The following AFG2A variants were observed in gnomAD, a reference collection of about 807,000 sequenced individuals.
AFG2A encodes ATPase family gene 2 protein homolog A.
the AFG2A span, among the ~76,000 whole-genome samples, chr4:123,225,414 C>G: frequency 2.6e-5 from 4 of 152,306 alleles, no homozygotes; most frequent in South Asian, 8.3e-4. Context: ...GATCCAGTTT[C>G]AGCTTTCTAC....
At chr4:123,270,640 AAAAT>A in the AFG2A span, among the ~76,000 whole-genome samples, 3 of 152,232 alleles carry the variant, frequency 2.0e-5, no homozygotes, top group East Asian at 3.8e-4. Flanking sequence ...AGCAGGAAAA[AAAAT>A]AAAGATTTTA....
At chr4:123,221,841 C>A in the AFG2A span, among the ~76,000 whole-genome samples, 1 of 152,064 alleles carries the variant, frequency 6.6e-6, no homozygotes, top group East Asian at 1.9e-4. Flanking sequence ...GCAGGAGAAT[C>A]ATTTGAACCC....
At chr4:123,167,911 A>G in the AFG2A span, among the ~76,000 whole-genome samples, 1 of 152,198 alleles carries the variant, frequency 6.6e-6, no homozygotes, top group African/African-American at 2.4e-5. Context: ...AAAAACAGAA[A>G]TTTTAAGCAT....
the AFG2A span, among the ~76,000 whole-genome samples, chr4:123,143,353 A>C: frequency 6.6e-6 from 1 of 152,094 alleles, no homozygotes; most frequent in Non-Finnish European, 1.5e-5. Context: ...CTATTACATT[A>C]ACTATAAATA....
the AFG2A span, among the ~76,000 whole-genome samples, chr4:123,244,991 G>C: frequency 6.6e-6 from 1 of 152,198 alleles, no homozygotes; most frequent in African/African-American, 2.4e-5. Context: ...GTAATATAGA[G>C]AAGAAAATGA....
chr4:123,106,039 A>C, the AFG2A span, among the ~76,000 whole-genome samples: 5 of 152,210 alleles, frequency 3.3e-5, no homozygotes, highest in Non-Finnish European at 5.9e-5. Context: ...AGGAAGAGTC[A>C]GTCGATGTGG....
chr4:122,970,323 C>G, the AFG2A span, among the ~76,000 whole-genome samples: 1 of 152,012 alleles, frequency 6.6e-6, no homozygotes, highest in East Asian at 1.9e-4. Context: ...AGGTTTGTAG[C>G]CTTGCTGTAT....
the AFG2A span, among the ~76,000 whole-genome samples, chr4:123,283,952 T>C: frequency 6.6e-6 from 1 of 152,160 alleles, no homozygotes. Context: ...GACACACATA[T>C]TCTTCCTATC....
chr4:123,181,898 ATAATT>A, the AFG2A span, among the ~76,000 whole-genome samples: 1 of 152,184 alleles, frequency 6.6e-6, no homozygotes, highest in African/African-American at 2.4e-5. Flanking sequence ...ACTACAGAAA[ATAATT>A]TAGTCATGTT....
At chr4:123,107,364 AGCTCTCAG>A in the AFG2A span, among the ~76,000 whole-genome samples, 1 of 152,350 alleles carries the variant, frequency 6.6e-6, no homozygotes, top group Non-Finnish European at 1.5e-5. Flanking sequence ...ACAACAGAAC[AGCTCTCAG>A]GAGACCCAAC....
chr4:123,239,526 A>T, the AFG2A span, among the ~76,000 whole-genome samples: 1 of 152,176 alleles, frequency 6.6e-6, no homozygotes, highest in Non-Finnish European at 1.5e-5. Flanking sequence ...GGGGGTCAAG[A>T]TTCAACATTC....
the AFG2A span, among the ~76,000 whole-genome samples, chr4:123,085,421 A>G: frequency 6.6e-6 from 1 of 152,150 alleles, no homozygotes; most frequent in Non-Finnish European, 1.5e-5. Context: ...CTGTCTTCTT[A>G]GACAATTTAC....
chr4:122,980,092 C>T, the AFG2A span, among the ~76,000 whole-genome samples: 1 of 152,138 alleles, frequency 6.6e-6, no homozygotes, highest in Non-Finnish European at 1.5e-5. Context: ...TCCATCACCA[C>T]AAAGATCCCT....
chr4:122,929,931 T>A, the AFG2A span, among the ~76,000 whole-genome samples: 371 of 152,272 alleles, frequency 2.4e-3, no homozygotes, highest in Non-Finnish European at 3.7e-3. Context: ...TTTCCATGAT[T>A]AGAGTGTGCC....
the AFG2A span, among the ~76,000 whole-genome samples, chr4:122,977,543 G>A: frequency 6.6e-6 from 1 of 152,258 alleles, no homozygotes; most frequent in East Asian, 1.9e-4. Flanking sequence ...GAGTGTCACA[G>A]CTCTGGTATC....
chr4:123,042,574 A>G, the AFG2A span, among the ~76,000 whole-genome samples: 5 of 152,184 alleles, frequency 3.3e-5, no homozygotes, highest in Non-Finnish European at 7.3e-5. Context: ...TCCAACTTGA[A>G]AGATTTGTTA....
chr4:123,017,125 A>C, the AFG2A span, among the ~76,000 whole-genome samples: 1 of 135,574 alleles, frequency 7.4e-6, no homozygotes, highest in African/African-American at 2.9e-5. Flanking sequence ...AGAGAGGGAG[A>C]GGGAGACCGT....
chr4:123,010,519 C>A, the AFG2A span, among the ~76,000 whole-genome samples: 1 of 152,216 alleles, frequency 6.6e-6, no homozygotes, highest in African/African-American at 2.4e-5. Context: ...ATGAATATAT[C>A]TGAATCAATG....
At chr4:123,041,108 TTTATTA>T in the AFG2A span, among the ~76,000 whole-genome samples, 2 of 150,948 alleles carry the variant, frequency 1.3e-5, no homozygotes, top group African/African-American at 4.8e-5. Flanking sequence ...TAATTTTTTA[TTTATTA>T]TTATTATTAT....
Sources: gnomAD v4.1 joint callset for allele counts (sites outside exome capture counted in the v4.1 genomes callset) on GRCh38, gnomAD v4.1.1 for gene constraint, MANE v1.5 for transcripts, NCBI Gene and HGNC (gene_info 2026-07-23, HGNC 2026-07-21) for gene names.